SUSD6: variants seen among roughly 807,000 people sequenced by gnomAD.
SUSD6 encodes the protein sushi domain-containing protein 6.
In SUSD6, 16 loss-of-function variants were observed where a neutral mutation model predicts 28.4. The observed-to-expected ratio is 0.56, with a 90% CI of 0.38 to 0.86. SUSD6 has a LOEUF of 0.86. Ranked by LOEUF, SUSD6 falls within the 40% of genes least tolerant of loss-of-function variation. The probability of loss-of-function intolerance (pLI) is 0.00; values close to 1 mark genes in which losing one functional copy is unlikely to be tolerated. For synonymous variants in SUSD6, 147 were observed against 159.6 expected (o/e 0.92, Z 0.59); for missense variants, 341 against 384.2 (o/e 0.89, Z 0.94).
intron 1 of SUSD6, among the ~76,000 whole-genome samples, chr14:69,639,602 C>T (rs1004737546): frequency 6.6e-6 from 1 of 152,116 alleles, no homozygotes; most frequent in Admixed American, 6.5e-5. Context: ...AAAGGCTTTC[C>T]AGTGGTTTGG....
chr14:69,698,579 T>C (rs1275104481), intron 2 of SUSD6, among the ~76,000 whole-genome samples: 1 of 152,206 alleles, frequency 6.6e-6, no homozygotes, highest in Non-Finnish European at 1.5e-5. Context: ...TTTGTTTTAA[T>C]TTGCCTCCTT....
At chr14:69,653,405 T>C (rs1885531708) in intron 1 of SUSD6, among the ~76,000 whole-genome samples, 1 of 152,154 alleles carries the variant, frequency 6.6e-6, no homozygotes, top group Non-Finnish European at 1.5e-5. Flanking sequence ...GTAGAAGCGG[T>C]GAAGAATTCT....
At chr14:69,706,157 A>G (rs1053554750) in intron 4 of SUSD6, among the ~76,000 whole-genome samples, 3 of 152,204 alleles carry the variant, frequency 2.0e-5, no homozygotes, top group Non-Finnish European at 4.4e-5. Flanking sequence ...TTTAAAGGCT[A>G]TTAATTAATA....
intron 1 of SUSD6, among the ~76,000 whole-genome samples, chr14:69,641,197 GT>G (rs550962047): frequency 6.6e-6 from 1 of 152,042 alleles, no homozygotes; most frequent in Non-Finnish European, 1.5e-5. Context: ...CTTTATCACT[GT>G]TTTTTTAACA....
intron 1 of SUSD6, among the ~76,000 whole-genome samples, chr14:69,643,052 ACT>A (rs1252812378): frequency 6.6e-6 from 1 of 151,612 alleles, no homozygotes; most frequent in African/African-American, 2.4e-5. Context: ...TGGTCTGGAA[ACT>A]CTCAAGGGAG....
chr14:69,648,715 G>T (rs1370808978), intron 1 of SUSD6, among the ~76,000 whole-genome samples: 1 of 152,100 alleles, frequency 6.6e-6, no homozygotes, highest in African/African-American at 2.4e-5. Context: ...GCTCTCTAGG[G>T]TTTGCTATTT....
chr14:69,701,207 CT>C (rs763198327), intron 2 of SUSD6, among the ~76,000 whole-genome samples: 4,274 of 144,150 alleles, frequency 0.03, 50 homozygotes, highest in African/African-American at 0.042. Flanking sequence ...GCAGTCCTCA[CT>C]TTTTTTTTTT....
chr14:69,704,941 C>T (rs1006677466), intron 4 of SUSD6, among the ~76,000 whole-genome samples, 199 bp downstream of exon 4: 1 of 152,144 alleles, frequency 6.6e-6, no homozygotes, highest in Non-Finnish European at 1.5e-5. Flanking sequence ...TTATCTTAAT[C>T]CTCATAGGAA....
chr14:69,703,537 G>C lies in SUSD6; in HGVS notation c.264G>C (p.Thr88=). 6.2e-7 allele frequency: 1 copy of C among 1,614,222 alleles called. No homozygotes were observed. The highest frequency in any genetic ancestry group is 1.7e-5 in the Admixed American group (1 of 60,026). ...TGAAGGGCGATTACAAATACCTGACGTGTAAGAATGGCGAGTGGAAACCAG... is the reference window on the plus strand; with the variant it reads ...TGAAGGGCGATTACAAATACCTGACCTGTAAGAATGGCGAGTGGAAACCAG... ...YMLKGDYKYL[T]CKNGEWKPAM... Residue 88 remains threonine, a synonymous_variant, in exon 3 of 6, where the codon ACG becomes ACC. Transcript: ENST00000342745.
At chr14:69,691,916 G>A (rs1389644762) in intron 2 of SUSD6, among the ~76,000 whole-genome samples, 1 of 152,016 alleles carries the variant, frequency 6.6e-6, no homozygotes, top group Non-Finnish European at 1.5e-5. Flanking sequence ...GCACACACCT[G>A]TAGTCCCAGC....
intron 4 of SUSD6, among the ~76,000 whole-genome samples, chr14:69,708,201 G>A (rs896701288): frequency 2.0e-5 from 3 of 152,176 alleles, no homozygotes; most frequent in Non-Finnish European, 2.9e-5. Flanking sequence ...ACCATACAGT[G>A]TACCTATTTA....
chr14:69,616,318 A>G (rs778407001), intron 1 of SUSD6, among the ~76,000 whole-genome samples: 3 of 152,220 alleles, frequency 2.0e-5, no homozygotes, highest in Non-Finnish European at 4.4e-5. Flanking sequence ...AGTCCAACCT[A>G]CTGCCAGCAG....
chr14:69,708,934 G>T lies in SUSD6; in HGVS notation c.716G>T (p.Cys239Phe). Residue 239 changes from cysteine to phenylalanine, a missense_variant, in exon 5 of 6, where the codon TGT (cysteine) becomes TTT (phenylalanine). Transcript: ENST00000342745. ...EDEAPGQSGLCEAWGSRASET... is the reference protein window; with the variant it reads ...EDEAPGQSGLFEAWGSRASET... ...GAGGCCCCAGGCCAGTCTGGACTATGTGAAGCCTGGGGCTCTCGGGCCTCA... is the reference window on the plus strand; with the variant it reads ...GAGGCCCCAGGCCAGTCTGGACTATTTGAAGCCTGGGGCTCTCGGGCCTCA... 6.2e-7 allele frequency: 1 copy of T among 1,614,194 alleles called. No homozygotes were observed. Among genetic ancestry groups the T allele is most frequent in the Non-Finnish European group, 8.5e-7 (1 of 1,180,036 alleles).
At chr14:69,667,370 CTTTTTTTTTTT>C (rs10611584) in intron 2 of SUSD6, among the ~76,000 whole-genome samples, 22 of 73,314 alleles carry the variant, frequency 3.0e-4, no homozygotes, top group African/African-American at 9.5e-4. Context: ...CTCACAGTTT[CTTTTTTTTTTT>C]TTTTTTTTTT....
chr14:69,645,872 T>A (rs1460970167), intron 1 of SUSD6, among the ~76,000 whole-genome samples: 1 of 151,920 alleles, frequency 6.6e-6, no homozygotes. Context: ...GCCTCAGCCT[T>A]CCAAGTAGCT....
chr14:69,637,932 T>C, intron 1 of SUSD6, among the ~76,000 whole-genome samples: 1 of 152,144 alleles, frequency 6.6e-6, no homozygotes, highest in Non-Finnish European at 1.5e-5. Context: ...TCTTTTCCAG[T>C]GCTCAGTTAT....
At chr14:69,619,925 C>T (rs573013080) in intron 1 of SUSD6, among the ~76,000 whole-genome samples, 2 of 152,312 alleles carry the variant, frequency 1.3e-5, no homozygotes, top group South Asian at 2.1e-4. Flanking sequence ...GTGGAATCAG[C>T]TACCCACCTA....
chr14:69,633,372 T>C (rs936829239), intron 1 of SUSD6, among the ~76,000 whole-genome samples: 1 of 152,186 alleles, frequency 6.6e-6, no homozygotes, highest in African/African-American at 2.4e-5. Context: ...TGGAGTTTAT[T>C]TTCTGTTCTT....
At chr14:69,679,086 C>T (rs1404594849) in intron 2 of SUSD6, among the ~76,000 whole-genome samples, 2 of 152,178 alleles carry the variant, frequency 1.3e-5, no homozygotes, top group South Asian at 2.1e-4. Flanking sequence ...GTTTGATGGA[C>T]ATGAAATGGA....
Sources: allele counts gnomAD v4.1 joint callset (sites outside exome capture counted in the v4.1 genomes callset), GRCh38; gene constraint gnomAD v4.1.1; transcripts MANE v1.5; gene names NCBI Gene and HGNC (gene_info 2026-07-23, HGNC 2026-07-21).